LINGO2: variants seen among roughly 807,000 people sequenced by gnomAD.
LINGO2 encodes leucine-rich repeat and immunoglobulin-like domain-containing nogo receptor-interacting protein 2.
LINGO2 carries 14 observed loss-of-function variants against 30.6 expected under a neutral mutation model. The observed-to-expected ratio is 0.46, with a 90% CI of 0.30 to 0.72. The LOEUF (loss-of-function observed/expected upper bound fraction) is 0.72. LINGO2 is among the 30% of genes least tolerant of loss of function. LINGO2 has a pLI of 0.07. For missense variants in LINGO2, 729 were observed against 751.7 expected (o/e 0.97, Z 0.35); for synonymous variants, 317 against 288.5 (o/e 1.10, Z -1.00).
chr9:29,021,287 C>G, the LINGO2 span, among the ~76,000 whole-genome samples: 1 of 152,148 alleles, frequency 6.6e-6, no homozygotes, highest in Non-Finnish European at 1.5e-5. Context: ...TATTTGAATG[C>G]GTCTGTGCCT....
At chr9:28,687,777 G>C in the LINGO2 span, among the ~76,000 whole-genome samples, 1 of 152,094 alleles carries the variant, frequency 6.6e-6, no homozygotes, top group Non-Finnish European at 1.5e-5. Flanking sequence ...TTATTCAGCT[G>C]TTTTAATGGA....
chr9:28,794,973 G>C, the LINGO2 span, among the ~76,000 whole-genome samples: 104 of 152,064 alleles, frequency 6.8e-4, 2 homozygotes, highest in South Asian at 0.017. Flanking sequence ...TGGGATTACA[G>C]GTGTGTGCCA....
At chr9:28,557,184 G>A (rs902739845) in intron 1 of LINGO2, among the ~76,000 whole-genome samples, 75 of 152,122 alleles carry the variant, frequency 4.9e-4, no homozygotes, top group Middle Eastern at 3.4e-3. Flanking sequence ...CACAGCAAAA[G>A]AAATTACCAT....
chr9:29,052,012 A>G, the LINGO2 span, among the ~76,000 whole-genome samples: 2 of 152,170 alleles, frequency 1.3e-5, no homozygotes, highest in Non-Finnish European at 2.9e-5. Context: ...ATTTGGTTGA[A>G]CCATACGAAA....
At chr9:28,231,908 A>AT (rs938945448) in intron 4 of LINGO2, among the ~76,000 whole-genome samples, 3 of 151,992 alleles carry the variant, frequency 2.0e-5, no homozygotes, top group Middle Eastern at 3.4e-3. Context: ...ATATATATAT[A>AT]TTTTTTCTGC....
At chr9:28,848,392 T>TATATATATATATA in the LINGO2 span, among the ~76,000 whole-genome samples, 2 of 53,652 alleles carry the variant, frequency 3.7e-5, no homozygotes, top group African/African-American at 1.1e-4. Flanking sequence ...TGTGTGTGTG[T>TATATATATATATA]GTGTGTATAT....
chr9:28,554,104 C>A (rs528086582), intron 1 of LINGO2, among the ~76,000 whole-genome samples: 24 of 151,978 alleles, frequency 1.6e-4, no homozygotes, highest in South Asian at 4.2e-4. Context: ...CGAGCAAAAT[C>A]ACCAGCTAAC....
intron 1 of LINGO2, among the ~76,000 whole-genome samples, chr9:28,516,967 G>A (rs147427516): frequency 6.6e-6 from 1 of 152,152 alleles, no homozygotes; most frequent in Non-Finnish European, 1.5e-5. Flanking sequence ...AGGATGTCAT[G>A]GGCACATTTT....
chr9:28,043,597 T>A (rs919262842), intron 4 of LINGO2, among the ~76,000 whole-genome samples: 2 of 152,170 alleles, frequency 1.3e-5, no homozygotes, highest in African/African-American at 2.4e-5. Flanking sequence ...GAACTTTTCT[T>A]TATGGAAAGT....
At chr9:28,721,979 A>C in the LINGO2 span, among the ~76,000 whole-genome samples, 1 of 152,078 alleles carries the variant, frequency 6.6e-6, no homozygotes, top group Non-Finnish European at 1.5e-5. Context: ...TACGTATGAA[A>C]AATGGGAAAA....
intron 4 of LINGO2, among the ~76,000 whole-genome samples, chr9:28,058,225 A>G (rs1190515930): frequency 1.3e-5 from 2 of 152,182 alleles, no homozygotes; most frequent in Non-Finnish European, 2.9e-5. Flanking sequence ...GGCAGTCTCA[A>G]GATGGGGTGC....
the LINGO2 span, among the ~76,000 whole-genome samples, chr9:28,737,250 T>C: frequency 6.6e-6 from 1 of 152,322 alleles, no homozygotes; most frequent in African/African-American, 2.4e-5. Flanking sequence ...GTCACTCCAG[T>C]CATCCAAGCC....
At chr9:28,517,531 A>C (rs1022386083) in intron 1 of LINGO2, among the ~76,000 whole-genome samples, 58 of 152,326 alleles carry the variant, frequency 3.8e-4, no homozygotes, top group African/African-American at 1.3e-3. Context: ...GTGCTACCTG[A>C]AACATTTATG....
the LINGO2 span, among the ~76,000 whole-genome samples, chr9:28,728,376 C>A: frequency 7.0e-4 from 100 of 142,912 alleles, 1 homozygote; most frequent in Non-Finnish European, 9.0e-4. Flanking sequence ...TTATTATTCA[C>A]AAAAAAATCA....
the LINGO2 span, among the ~76,000 whole-genome samples, chr9:28,998,583 T>G: frequency 6.6e-6 from 1 of 152,072 alleles, no homozygotes; most frequent in African/African-American, 2.4e-5. Flanking sequence ...CAATTTAATT[T>G]GAATTAATAG....
intron 2 of LINGO2, among the ~76,000 whole-genome samples, chr9:28,439,899 G>C (rs1242513051): frequency 6.6e-6 from 1 of 152,076 alleles, no homozygotes; most frequent in South Asian, 2.1e-4. Context: ...CCCTCCCATG[G>C]GGTTGAGCAA....
chr9:29,153,429 T>C, the LINGO2 span, among the ~76,000 whole-genome samples: 143 of 152,292 alleles, frequency 9.4e-4, no homozygotes, highest in Non-Finnish European at 1.6e-3. Context: ...AGAACCGTAA[T>C]TTTGGATGGA....
chr9:28,652,286 T>C (rs1324324974), intron 1 of LINGO2, among the ~76,000 whole-genome samples: 1 of 152,088 alleles, frequency 6.6e-6, no homozygotes, highest in Admixed American at 6.5e-5. Context: ...TCATAGACTA[T>C]TAATTGTGAT....
At chr9:28,403,654 C>CTT (rs60784166) in intron 2 of LINGO2, among the ~76,000 whole-genome samples, 14 of 146,386 alleles carry the variant, frequency 9.6e-5, no homozygotes, top group African/African-American at 3.3e-4. Context: ...CACCCCTCTC[C>CTT]TTTTTTTTTT....
Sources: allele counts gnomAD v4.1 joint callset (sites outside exome capture counted in the v4.1 genomes callset), GRCh38; gene constraint gnomAD v4.1.1; transcripts MANE v1.5; gene names NCBI Gene and HGNC (gene_info 2026-07-23, HGNC 2026-07-21).